CBFA2T3: variants seen among roughly 807,000 people sequenced by gnomAD.
The protein encoded by CBFA2T3 is CBFA2/RUNX1 partner transcriptional co-repressor 3, also known as transcriptional corepressor CBFA2T3.
A neutral mutation model predicts 58.6 loss-of-function variants in CBFA2T3; 31 were observed. That is an observed-to-expected ratio of 0.53 (90% CI 0.40 to 0.71). The LOEUF (loss-of-function observed/expected upper bound fraction) is 0.71. CBFA2T3 is among the 30% of genes least tolerant of loss of function. The probability of loss-of-function intolerance (pLI) is 0.00; values close to 1 mark genes in which losing one functional copy is unlikely to be tolerated. For missense variants in CBFA2T3, 1,076 were observed against 963.1 expected, an observed-to-expected ratio of 1.12 and a Z score of -1.55; for synonymous variants, 531 against 421.9, an observed-to-expected ratio of 1.26 and a Z score of -3.17.
intron 3 of CBFA2T3, among the ~76,000 whole-genome samples, chr16:88,892,982 G>T (rs974855575): frequency 2.6e-5 from 4 of 152,300 alleles, no homozygotes; most frequent in Admixed American, 2.6e-4. Flanking sequence ...GCTGGCTCAG[G>T]TTTTCACTGT....
chr16:88,898,123 G>C lies in CBFA2T3; in HGVS notation c.334C>G (p.His112Asp), dbSNP rs754413900. The stretch of plus-strand genomic sequence containing the variant: ...TTTAAGCAGCCATGAAAACGGCCGT[G>C]GGGCAGCGTCGCAGGCCCGTCCTCT... ...HREDGPATLP[H>D]GRFHGCLKWS... Residue 112 changes from histidine to aspartate, a missense_variant, in exon 3 of 12, where the codon CAC (histidine) becomes GAC (aspartate). Coordinates refer to ENST00000268679, the MANE Select transcript of CBFA2T3 (RefSeq NM_005187.6). 6.2e-7 allele frequency: 1 copy of C among 1,613,112 alleles called. No homozygotes were observed. Among genetic ancestry groups the C allele is most frequent in the South Asian group, 1.1e-5 (1 of 91,076 alleles).
intron 3 of CBFA2T3, among the ~76,000 whole-genome samples, chr16:88,896,926 G>C (rs1003469711): frequency 6.6e-6 from 1 of 152,250 alleles, no homozygotes; most frequent in African/African-American, 2.4e-5. Flanking sequence ...AGCAGCTAAA[G>C]AGACGCCAAA....
rs555096447 is a variant in CBFA2T3 at position 88,929,812 on chromosome 16, C to G, written c.152-28156G>C. Among the ~76,000 whole-genome samples the G allele has an allele frequency of 9.6e-4, 145 of 150,646 alleles. 2 individuals carry two copies. Among genetic ancestry groups the G allele is most frequent in the African/African-American group, 3.4e-3 (136 of 40,546 alleles). ...AATACCCACAGCTGCATGGTCCACA[C>G]AAAAGCTACCAATACCCACAGCTGC... On this transcript the variant is annotated intron_variant, in intron 1 of 11. Coordinates refer to ENST00000268679, the MANE Select transcript of CBFA2T3 (RefSeq NM_005187.6).
chr16:88,903,902 C>G (rs538579945), intron 1 of CBFA2T3, among the ~76,000 whole-genome samples: 72 of 152,216 alleles, frequency 4.7e-4, no homozygotes, highest in Non-Finnish European at 7.6e-4. Flanking sequence ...ATTTGAGCCA[C>G]GAGACTTGAA....
chr16:88,887,624 G>A (rs1490332195), intron 5 of CBFA2T3, among the ~76,000 whole-genome samples: 3 of 152,152 alleles, frequency 2.0e-5, no homozygotes, highest in Non-Finnish European at 4.4e-5. Flanking sequence ...CGGCAAGCAG[G>A]GAATGTTTCC....
intron 1 of CBFA2T3, among the ~76,000 whole-genome samples, chr16:88,917,712 G>A (rs1447187458): frequency 2.6e-5 from 4 of 152,224 alleles, no homozygotes; most frequent in Non-Finnish European, 5.9e-5. Flanking sequence ...GTCAAGTCAA[G>A]AATGTTTTCC....
rs528422795 is a variant in CBFA2T3, at chr16:88,905,846, C to G, written c.152-4190G>C. Among the ~76,000 whole-genome samples, 391 of 151,794 alleles carry G rather than the reference C, an allele frequency of 2.6e-3. 1 individual carries two copies. The highest frequency in any genetic ancestry group is 8.7e-3 in the African/African-American group (358 of 41,196). ...TGCCCAGCTGCAGGACAGGTGCTTT[C>G]TGCAGACATGGGGGGCTGGTTGCTC... On this transcript the variant is annotated intron_variant, in intron 1 of 11. Coordinates refer to ENST00000268679, the MANE Select transcript of CBFA2T3 (RefSeq NM_005187.6).
At chr16:88,946,657 A>G (rs1308426980) in intron 1 of CBFA2T3, among the ~76,000 whole-genome samples, 3 of 151,912 alleles carry the variant, frequency 2.0e-5, no homozygotes, top group South Asian at 2.1e-4. Flanking sequence ...TAATTTTTGT[A>G]TTTTTAGTAG....
intron 1 of CBFA2T3, among the ~76,000 whole-genome samples, chr16:88,964,875 GTCCA>G (rs1016667862): frequency 7.9e-5 from 11 of 138,452 alleles, no homozygotes; most frequent in South Asian, 4.7e-4. Context: ...CTATCCAACT[GTCCA>G]TCCATCCATC....
At chr16:88,931,178 G>A (rs936814321) in intron 1 of CBFA2T3, among the ~76,000 whole-genome samples, 2 of 152,138 alleles carry the variant, frequency 1.3e-5, no homozygotes, top group Non-Finnish European at 2.9e-5. Context: ...AAATGTGAGA[G>A]GGGCTCAGCC....
intron 1 of CBFA2T3, 112 bp downstream of exon 1, chr16:88,976,545 C>T (rs370573467): frequency 2.4e-5 from 19 of 781,290 alleles, no homozygotes; most frequent in African/African-American, 1.4e-4. Flanking sequence ...CCATCCGTGC[C>T]GGCACTGTCA....
chr16:88,921,611 G>A (rs576626519), intron 1 of CBFA2T3, among the ~76,000 whole-genome samples: 5 of 151,434 alleles, frequency 3.3e-5, no homozygotes, highest in Non-Finnish European at 7.4e-5. Flanking sequence ...AGGGAGGGGG[G>A]GCGGTTGGGG....
chr16:88,932,511 G>C (rs1288730082), intron 1 of CBFA2T3, among the ~76,000 whole-genome samples: 1 of 151,962 alleles, frequency 6.6e-6, no homozygotes, highest in Non-Finnish European at 1.5e-5. Flanking sequence ...GCTGGGCATA[G>C]TGGTGAACAC....
intron 10 of CBFA2T3, chr16:88,879,856 A>G (rs962598166): frequency 1.0e-5 from 2 of 198,838 alleles, no homozygotes; most frequent in African/African-American, 4.6e-5. Context: ...CGCACCCGGA[A>G]TCTGCATTCC....
At chr16:88,880,553 G>C (rs1258968228) in intron 10 of CBFA2T3, among the ~76,000 whole-genome samples, 167 bp downstream of exon 10, 1 of 152,208 alleles carries the variant, frequency 6.6e-6, no homozygotes, top group African/African-American at 2.4e-5. Flanking sequence ...CCCTAAGTGT[G>C]AACCTACTCT....
chr16:88,964,202 C>T (rs565287505), intron 1 of CBFA2T3, among the ~76,000 whole-genome samples: 2 of 152,370 alleles, frequency 1.3e-5, no homozygotes, highest in Non-Finnish European at 2.9e-5. Flanking sequence ...GCCTGCTCTT[C>T]CCCCAATTCA....
At chr16:88,899,394 C>G (rs1970013573) in intron 2 of CBFA2T3, among the ~76,000 whole-genome samples, 1 of 152,212 alleles carries the variant, frequency 6.6e-6, no homozygotes. Flanking sequence ...TGCTGACAGC[C>G]CAGTGGGACT....
chr16:88,907,682 G>A (rs1367707220), intron 1 of CBFA2T3, among the ~76,000 whole-genome samples: 1 of 152,222 alleles, frequency 6.6e-6, no homozygotes, highest in African/African-American at 2.4e-5. Flanking sequence ...GGAACCCCGA[G>A]GGGAGGCACC....
intron 1 of CBFA2T3, among the ~76,000 whole-genome samples, chr16:88,965,855 G>A (rs1972487790): frequency 6.6e-6 from 1 of 152,154 alleles, no homozygotes; most frequent in African/African-American, 2.4e-5. Flanking sequence ...TAGGGAGCTC[G>A]CAAACAAAAG....
Sources: allele counts gnomAD v4.1 joint callset (sites outside exome capture counted in the v4.1 genomes callset), GRCh38; gene constraint gnomAD v4.1.1; transcripts MANE v1.5; gene names NCBI Gene and HGNC (gene_info 2026-07-23, HGNC 2026-07-21).